The following ITGBL1 variants were observed in gnomAD, a reference collection of about 807,000 sequenced individuals.
ITGBL1 encodes the protein integrin subunit beta like 1, also known as integrin beta-like protein 1.
In ITGBL1, 51 loss-of-function variants were observed where a neutral mutation model predicts 68.5. The observed-to-expected ratio is 0.74, with a 90% CI of 0.59 to 0.94. ITGBL1 has a LOEUF of 0.94. ITGBL1 is among the 40% of genes least tolerant of loss of function. The pLI, the probability that ITGBL1 is intolerant of heterozygous loss-of-function variation, is 0.00. For missense variants in ITGBL1, 649 were observed against 647.4 expected, an observed-to-expected ratio of 1.00 and a Z score of -0.03; for synonymous variants, 209 against 227.3, an observed-to-expected ratio of 0.92 and a Z score of 0.72.
At chr13:101,488,988 A>G (rs1223782156) in intron 2 of ITGBL1, among the ~76,000 whole-genome samples, 1 of 152,224 alleles carries the variant, frequency 6.6e-6, no homozygotes, top group African/African-American at 2.4e-5. Flanking sequence ...AAAACACCAC[A>G]CTAAAGAAGC....
At chr13:101,482,656 G>A (rs2048642524) in intron 2 of ITGBL1, among the ~76,000 whole-genome samples, 1 of 152,078 alleles carries the variant, frequency 6.6e-6, no homozygotes, top group South Asian at 2.1e-4. Flanking sequence ...ACTAAATAAA[G>A]TGAAGTAATT....
chr13:101,637,006 T>G (rs2032191158), intron 7 of ITGBL1, among the ~76,000 whole-genome samples: 2 of 152,194 alleles, frequency 1.3e-5, no homozygotes, highest in South Asian at 4.1e-4. Flanking sequence ...GGCTGAAGTT[T>G]AAAATTGACT....
intron 7 of ITGBL1, among the ~76,000 whole-genome samples, chr13:101,628,612 T>TG (rs1373716891): frequency 2.0e-5 from 3 of 150,556 alleles, no homozygotes; most frequent in Non-Finnish European, 3.0e-5. Context: ...TTTTTTTTTT[T>TG]TGTATTTTTA....
chr13:101,535,139 C>T (rs1180208364), intron 2 of ITGBL1, among the ~76,000 whole-genome samples: 1 of 152,014 alleles, frequency 6.6e-6, no homozygotes, highest in East Asian at 1.9e-4. Flanking sequence ...GTCATTGGCC[C>T]TTAGCTGCAT....
intron 8 of ITGBL1, among the ~76,000 whole-genome samples, chr13:101,702,191 G>T (rs868011714): frequency 6.6e-6 from 1 of 152,092 alleles, no homozygotes; most frequent in South Asian, 2.1e-4. Context: ...ATGTCCATAA[G>T]GTAAGATATA....
chr13:101,609,033 C>A (rs569201076), intron 7 of ITGBL1, among the ~76,000 whole-genome samples: 18 of 152,084 alleles, frequency 1.2e-4, no homozygotes, highest in African/African-American at 4.1e-4. Context: ...CACCTTTGAT[C>A]ATGCTTTGAA....
intron 2 of ITGBL1, among the ~76,000 whole-genome samples, chr13:101,538,521 T>G (rs2049619914): frequency 6.6e-6 from 1 of 152,144 alleles, no homozygotes; most frequent in South Asian, 2.1e-4. Flanking sequence ...ATGAAACTTA[T>G]GAAGATTGGA....
At chr13:101,658,273 A>G (rs2032986953) in intron 7 of ITGBL1, among the ~76,000 whole-genome samples, 1 of 152,200 alleles carries the variant, frequency 6.6e-6, no homozygotes, top group African/African-American at 2.4e-5. Flanking sequence ...GTTCCTAACT[A>G]AAATATTTGT....
intron 2 of ITGBL1, among the ~76,000 whole-genome samples, chr13:101,544,900 G>A (rs2049790302): frequency 6.6e-6 from 1 of 152,298 alleles, no homozygotes; most frequent in Admixed American, 6.5e-5. Context: ...AAGACCATTG[G>A]AAAAGCGCAG....
chr13:101,584,276 A>C (rs992800130), intron 6 of ITGBL1, among the ~76,000 whole-genome samples: 5 of 152,204 alleles, frequency 3.3e-5, no homozygotes, highest in African/African-American at 1.2e-4. Context: ...AATAAATAAA[A>C]TATGTAAGTC....
intron 2 of ITGBL1, among the ~76,000 whole-genome samples, chr13:101,459,156 A>G (rs2048284646): frequency 6.6e-6 from 1 of 152,202 alleles, no homozygotes; most frequent in Non-Finnish European, 1.5e-5. Flanking sequence ...TGGAATTGAT[A>G]TAAAATGAAA....
At chr13:101,657,134 A>G (rs772625770) in intron 7 of ITGBL1, among the ~76,000 whole-genome samples, 1 of 152,166 alleles carries the variant, frequency 6.6e-6, no homozygotes, top group Non-Finnish European at 1.5e-5. Context: ...CTTAAATATA[A>G]TGAAGCTTGT....
chr13:101,487,082 A>C (rs1009814050), intron 2 of ITGBL1, among the ~76,000 whole-genome samples: 2 of 152,208 alleles, frequency 1.3e-5, no homozygotes, highest in Non-Finnish European at 2.9e-5. Flanking sequence ...AGTGATTTTG[A>C]TAGCCTATCT....
At chr13:101,717,548 T>C (rs1420401277), downstream of ITGBL1, 1 of 152,150 alleles carries the variant, frequency 6.6e-6, no homozygotes, top group African/African-American at 2.4e-5. Context: ...ATTCATTACA[T>C]TATCTAGCCA....
intron 2 of ITGBL1, among the ~76,000 whole-genome samples, chr13:101,462,567 T>C (rs2048331734): frequency 6.6e-6 from 1 of 152,140 alleles, no homozygotes; most frequent in Non-Finnish European, 1.5e-5. Context: ...ATCTAATTGC[T>C]CTGGCCCATC....
At chr13:101,561,129 G>A (rs1028426156) in intron 2 of ITGBL1, among the ~76,000 whole-genome samples, 1 of 152,142 alleles carries the variant, frequency 6.6e-6, no homozygotes, top group African/African-American at 2.4e-5. Flanking sequence ...TGAGAAGGGT[G>A]GTGGGAAAGT....
At chr13:101,640,676 G>T (rs2032333368) in intron 7 of ITGBL1, among the ~76,000 whole-genome samples, 1 of 152,008 alleles carries the variant, frequency 6.6e-6, no homozygotes, top group African/African-American at 2.4e-5. Flanking sequence ...TTTGTTACAT[G>T]GGTACACTGT....
intron 7 of ITGBL1, among the ~76,000 whole-genome samples, chr13:101,651,217 C>G (rs1353828509): frequency 6.6e-6 from 1 of 152,138 alleles, no homozygotes; most frequent in African/African-American, 2.4e-5. Flanking sequence ...TTTGAGGAAT[C>G]TCCACACTGT....
chr13:101,720,842 A>G (rs1340319861), downstream of ITGBL1: 14 of 152,130 alleles, frequency 9.2e-5, no homozygotes, highest in Admixed American at 9.2e-4. Context: ...TTGGCAATAA[A>G]TCTACTCAAA....
Sources: allele counts gnomAD v4.1 joint callset (sites outside exome capture counted in the v4.1 genomes callset), GRCh38; gene constraint gnomAD v4.1.1; transcripts MANE v1.5; gene names NCBI Gene and HGNC (gene_info 2026-07-23, HGNC 2026-07-21).